Variants in SERPINB10 observed in about 807,000 individuals in gnomAD.
The protein encoded by SERPINB10 is serpin B10.
Under a neutral mutation model 39.1 loss-of-function variants are expected in SERPINB10, and 35 were observed. The ratio of observed to expected loss-of-function variants is 0.90; its 90% confidence interval spans 0.68 to 1.19. The LOEUF is 1.19. Among genes scored for constraint, SERPINB10 ranks in the 50% most tolerant of loss-of-function variants. SERPINB10 has a pLI of 0.00. For synonymous variants in SERPINB10, 190 were observed against 158.1 expected, an observed-to-expected ratio of 1.20 and a Z score of -1.52; for missense variants, 546 against 460.5, an observed-to-expected ratio of 1.19 and a Z score of -1.70.
intron 2 of SERPINB10, 47 bp from the exon 3 acceptor site, chr18:63,917,409 A>G: frequency 9.0e-7 from 1 of 1,108,036 alleles, no homozygotes; most frequent in Non-Finnish European, 1.3e-6. Flanking sequence ...GATTTATATA[A>G]TTACTTCTCT....
intron 1 of SERPINB10, among the ~76,000 whole-genome samples, chr18:63,910,917 C>T (rs1269336821): frequency 1.3e-5 from 2 of 151,910 alleles, no homozygotes; most frequent in East Asian, 3.9e-4. Flanking sequence ...ACATTTCCAT[C>T]AACAGTGTAC....
At chr18:63,912,912 C>A (rs567444655) in intron 1 of SERPINB10, among the ~76,000 whole-genome samples, 9 of 151,592 alleles carry the variant, frequency 5.9e-5, no homozygotes, top group Non-Finnish European at 1.0e-4. Context: ...TGTTCCAGGG[C>A]GTTTTTTGGT....
At chr18:63,925,034 G>T (rs2050171169) in intron 5 of SERPINB10, among the ~76,000 whole-genome samples, 1 of 151,882 alleles carries the variant, frequency 6.6e-6, no homozygotes, top group South Asian at 2.1e-4. Flanking sequence ...ATAGAAGAAT[G>T]GATTTGCAAT....
intron 2 of SERPINB10, among the ~76,000 whole-genome samples, chr18:63,916,350 A>T (rs530804264): frequency 6.8e-6 from 1 of 146,972 alleles, no homozygotes; most frequent in South Asian, 2.1e-4. Context: ...TTTTAAATAA[A>T]AAAAAAAAAA....
intron 1 of SERPINB10, 83 bp from the exon 2 acceptor site, chr18:63,915,419 G>A (rs1469894023): frequency 3.2e-6 from 3 of 949,412 alleles, no homozygotes; most frequent in Non-Finnish European, 4.8e-6. Flanking sequence ...GGATATGTAT[G>A]CAACTATGAA....
chr18:63,932,540 C>T (rs1568250738), intron 6 of SERPINB10, among the ~76,000 whole-genome samples: 1 of 151,970 alleles, frequency 6.6e-6, no homozygotes, highest in South Asian at 2.1e-4. Flanking sequence ...ATCTTTTGCC[C>T]ATTTAAAAAA....
rs753605597 is a variant in SERPINB10, at chr18:63,933,050, T to G, written c.636T>G (p.Thr212=). The change falls in exon 7 of 8, where the codon ACT becomes ACG. Residue 212 remains threonine (T), a splice_region_variant and synonymous_variant. Coordinates refer to ENST00000238508, the MANE Select transcript of SERPINB10 (RefSeq NM_005024.3). Reference sequence around the variant, plus strand: ...TTTTGTTTTTTTGTTTTTTTTAGACTACAAGCAAACCAGTGCAAATGATGT... The same window carrying G: ...TTTTGTTTTTTTGTTTTTTTTAGACGACAAGCAAACCAGTGCAAATGATGT... ...TTEKPFRINE[T]TSKPVQMMFM... 1 of 1,611,068 alleles carries G rather than the reference T, an allele frequency of 6.2e-7. No individual in the cohort carries two copies.
chr18:63,931,675 T>G (rs2050223273), intron 6 of SERPINB10, among the ~76,000 whole-genome samples: 1 of 152,154 alleles, frequency 6.6e-6, no homozygotes, highest in Non-Finnish European at 1.5e-5. Flanking sequence ...TGTCCCCCCT[T>G]CAACACACAC....
chr18:63,932,083 T>C (rs949952940), intron 6 of SERPINB10, among the ~76,000 whole-genome samples: 3 of 152,194 alleles, frequency 2.0e-5, no homozygotes, highest in African/African-American at 7.2e-5. Flanking sequence ...GCTTCATAGA[T>C]CTTTTTGTTT....
chr18:63,919,086 A>G (rs1031842993), intron 4 of SERPINB10, among the ~76,000 whole-genome samples: 25 of 152,022 alleles, frequency 1.6e-4, no homozygotes, highest in Non-Finnish European at 1.5e-5. Context: ...CCCTGCATAA[A>G]GTAAGCAAAT....
rs144920276 is a variant in SERPINB10 at position 63,925,889 on chromosome 18, G to T, written c.491-4156G>T. Among the ~76,000 whole-genome samples, 323 of 151,998 alleles carry T rather than the reference G, an allele frequency of 2.1e-3. 1 individual carries two copies. Among genetic ancestry groups the T allele is most frequent in the African/African-American group, 7.6e-3 (314 of 41,492 alleles). On this transcript the variant is annotated intron_variant, in intron 5 of 7. Transcript: ENST00000238508. The stretch of plus-strand genomic sequence containing the variant: ...ATGATACCAAAAAATAAAAAAACCA[G>T]CCAGTCCTTTTACATTGGAAAAATC...
rs1172681795 is a variant in SERPINB10, at chr18:63,930,057, A to C, written c.503A>C (p.Asn168Thr). 32 of 1,613,088 alleles carry C rather than the reference A, an allele frequency of 2.0e-5. No homozygotes were observed. Among genetic ancestry groups the C allele is most frequent in the Non-Finnish European group, 2.5e-5 (29 of 1,179,564 alleles). The change falls in exon 6 of 8, where the codon AAT (asparagine) becomes ACT (threonine). Residue 168 changes from asparagine (N) to threonine (T), a missense_variant. Physicochemically the swap from Asn to Thr is moderately conservative, Grantham distance 65 (BLOSUM62 0). Transcript: ENST00000238508. ...TTTGTTCTTACAGGTAAAATCCAGA[A>C]TCTCCTGCCTGATGACTCTGTGGAT... ...VERQTEGKIQ[N>T]LLPDDSVDST... is the part of the protein sequence containing the mutation.
Position 63,935,268 on chromosome 18 carries a change from G to A in SERPINB10, c.*26G>A, listed in dbSNP as rs2050255020. The stretch of plus-strand genomic sequence containing the variant: ...ATCCTGCATATCTCTCAACAAACAA[G>A]ACCATCTTACAGTGTGAAAAATGTA... On this transcript the variant is annotated 3_prime_UTR_variant, in exon 8 of 8. Coordinates refer to ENST00000238508, the MANE Select transcript of SERPINB10 (RefSeq NM_005024.3). 6.5e-7 allele frequency: 1 copy of A among 1,530,384 alleles called. No individual in the cohort carries two copies. Among genetic ancestry groups the A allele is most frequent in the Non-Finnish European group, 8.7e-7 (1 of 1,145,280 alleles). 94.8% of individuals were successfully genotyped at this position (1,530,384 alleles called of 1,614,324 possible). A position where few individuals can be genotyped will look rare whatever the true frequency, so the allele number is the denominator to read the frequency against.
intron 1 of SERPINB10, among the ~76,000 whole-genome samples, chr18:63,915,259 C>G (rs551353877): frequency 4.8e-4 from 73 of 152,122 alleles, no homozygotes; most frequent in Non-Finnish European, 3.2e-4. Context: ...TTTTAACTGA[C>G]CAGCATCCAT....
At position 63,935,354 on chromosome 18, in the gene SERPINB10, A is replaced by G. The variant is rs2050255670; in HGVS notation, c.*112A>G. The G allele has an allele frequency of 1.9e-6, 2 of 1,039,662 alleles. No homozygotes were observed. Among genetic ancestry groups the G allele is most frequent in the Non-Finnish European group, 2.8e-6 (2 of 721,830 alleles). 64.4% of individuals were successfully genotyped at this position (1,039,662 alleles called of 1,614,324 possible). A position where few individuals can be genotyped will look rare whatever the true frequency, so the allele number is the denominator to read the frequency against. On this transcript the variant is annotated 3_prime_UTR_variant, in exon 8 of 8. Coordinates refer to ENST00000238508, the MANE Select transcript of SERPINB10 (RefSeq NM_005024.3). ...AGTTTGTAGTCTAAACCTTTTTCAC[A>G]TTTGAATATAAGTAAATAGATCTTG...
chr18:63,932,852 A>T (rs9964049), intron 6 of SERPINB10, among the ~76,000 whole-genome samples, 196 bp from the exon 7 acceptor site: 62,681 of 152,040 alleles, frequency 0.41, 15,795 homozygotes, highest in African/African-American at 0.71. Flanking sequence ...AGAAACTCAC[A>T]TATCTGCTAT....
intron 6 of SERPINB10, among the ~76,000 whole-genome samples, chr18:63,932,495 T>A (rs1568250705): frequency 6.6e-6 from 1 of 152,246 alleles, no homozygotes; most frequent in African/African-American, 2.4e-5. Flanking sequence ...GCATTTTTCA[T>A]GTGCTGTATG....
At chr18:63,928,058 C>T (rs2050193125) in intron 5 of SERPINB10, among the ~76,000 whole-genome samples, 1 of 151,644 alleles carries the variant, frequency 6.6e-6, no homozygotes, top group Non-Finnish European at 1.5e-5. Flanking sequence ...TGTACAATTT[C>T]AATCATGTTT....
At chr18:63,925,193 T>C (rs1187377774) in intron 5 of SERPINB10, among the ~76,000 whole-genome samples, 1 of 152,034 alleles carries the variant, frequency 6.6e-6, no homozygotes, top group Non-Finnish European at 1.5e-5. Flanking sequence ...AGTATCAATA[T>C]GACCTTCTAG....
Sources: gnomAD v4.1 joint callset for allele counts (sites outside exome capture counted in the v4.1 genomes callset) on GRCh38, gnomAD v4.1.1 for gene constraint, MANE v1.5 for transcripts, NCBI Gene and HGNC (gene_info 2026-07-23, HGNC 2026-07-21) for gene names.